The following TBC1D4 variants were observed in gnomAD, a reference collection of about 807,000 sequenced individuals.
The protein encoded by TBC1D4 is TBC1 domain family member 4.
Under a neutral mutation model 142.5 loss-of-function variants are expected in TBC1D4, and 121 were observed. The observed-to-expected ratio is 0.85, with a 90% CI of 0.73 to 0.99. The LOEUF (loss-of-function observed/expected upper bound fraction) is 0.99, where lower values mean the gene tolerates loss of function less well. Ranked by LOEUF, TBC1D4 falls within the 50% of genes least tolerant of loss-of-function variation. The pLI is 0.00. For synonymous variants in TBC1D4, 630 were observed against 628.2 expected, an observed-to-expected ratio of 1.00 and a Z score of -0.04; for missense variants, 1,475 against 1,606.6, an observed-to-expected ratio of 0.92 and a Z score of 1.40.
At chr13:75,417,815 T>C (rs1885983825) in intron 1 of TBC1D4, among the ~76,000 whole-genome samples, 1 of 152,216 alleles carries the variant, frequency 6.6e-6, no homozygotes. Context: ...ACCTTTTAGT[T>C]TCAACTCTAC....
At chr13:75,473,460 C>A (rs914355915) in intron 1 of TBC1D4, among the ~76,000 whole-genome samples, 1 of 152,170 alleles carries the variant, frequency 6.6e-6, no homozygotes, top group African/African-American at 2.4e-5. Context: ...AAACTATTCA[C>A]AAATTATGTA....
At chr13:75,423,574 G>A (rs1368445880) in intron 1 of TBC1D4, among the ~76,000 whole-genome samples, 4 of 152,182 alleles carry the variant, frequency 2.6e-5, no homozygotes, top group African/African-American at 9.7e-5. Flanking sequence ...CAAAGCAGGT[G>A]AAGACATCAA....
chr13:75,388,055 C>G (rs1166792416), intron 1 of TBC1D4, among the ~76,000 whole-genome samples: 2 of 152,184 alleles, frequency 1.3e-5, no homozygotes, highest in Non-Finnish European at 2.9e-5. Context: ...CATGCAAATT[C>G]CCAGCCTTGT....
intron 1 of TBC1D4, among the ~76,000 whole-genome samples, chr13:75,398,552 A>G (rs4129483): frequency 0.94 from 143,344 of 152,230 alleles, 68,079 homozygotes; most frequent in East Asian, 1. Context: ...AGGATTTCCC[A>G]ACAGAAAGCT....
intron 1 of TBC1D4, among the ~76,000 whole-genome samples, chr13:75,456,715 C>G (rs941615188): frequency 6.7e-6 from 1 of 149,504 alleles, no homozygotes; most frequent in African/African-American, 2.5e-5. Context: ...GAAACTGGTC[C>G]AACACTCTGG....
chr13:75,432,120 T>G (rs761144458), intron 1 of TBC1D4, among the ~76,000 whole-genome samples: 2 of 152,158 alleles, frequency 1.3e-5, no homozygotes, highest in Admixed American at 6.6e-5. Context: ...ATTTTTCTTG[T>G]GTAACCAGAA....
At chr13:75,319,960 G>A in intron 12 of TBC1D4, 54 bp downstream of exon 12, 1 of 1,587,072 alleles carries the variant, frequency 6.3e-7, no homozygotes, top group African/African-American at 1.4e-5. Context: ...ATGATGTTCA[G>A]TTGGAAGAAT....
At chr13:75,453,861 C>CAAA (rs749925716) in intron 1 of TBC1D4, among the ~76,000 whole-genome samples, 1 of 81,542 alleles carries the variant, frequency 1.2e-5, no homozygotes. Context: ...GACTCTGTCT[C>CAAA]AAAAAAAAAA....
chr13:75,421,349 C>A (rs1886159643), intron 1 of TBC1D4, among the ~76,000 whole-genome samples: 1 of 152,198 alleles, frequency 6.6e-6, no homozygotes, highest in Non-Finnish European at 1.5e-5. Flanking sequence ...AACTCCCTAA[C>A]TGCATGGGGA....
At chr13:75,339,617 C>T (rs984272711) in intron 7 of TBC1D4, among the ~76,000 whole-genome samples, 3 of 151,166 alleles carry the variant, frequency 2.0e-5, no homozygotes, top group Non-Finnish European at 4.4e-5. Context: ...AGTCTCCTGT[C>T]GCCTGGGGAG....
rs149821147 is a variant in TBC1D4 at position 75,312,867 on chromosome 13, T to G, written c.2254A>C (p.Thr752Pro). The change falls in exon 13 of 21, where the codon ACC becomes CCC. Residue 752 changes from threonine (T) to proline (P), a missense_variant. Around this residue, in one of 2 missense-constraint regions of TBC1D4, gnomAD observed 1,227 missense variants for 1,267.7 expected, o/e 0.97. Transcript: ENST00000377636. ...DGEGRKRTSS[T>P]CSNESLSVGG... ...ACACTTAGGGACTCATTGCTGCAGGTAGATGAGGTCCTTTTTCTCCCTTCT... is the reference window on the plus strand; with the variant it reads ...ACACTTAGGGACTCATTGCTGCAGGGAGATGAGGTCCTTTTTCTCCCTTCT... 3 of 1,614,032 alleles carry G rather than the reference T, an allele frequency of 1.9e-6. No individual in the cohort carries two copies. The highest frequency in any genetic ancestry group is 2.5e-6 in the Non-Finnish European group (3 of 1,180,018).
chr13:75,363,912 A>G (rs1251198138), intron 1 of TBC1D4, among the ~76,000 whole-genome samples: 1 of 152,210 alleles, frequency 6.6e-6, no homozygotes, highest in Non-Finnish European at 1.5e-5. Flanking sequence ...TATTTTGCCA[A>G]GGTTAAGGGC....
At chr13:75,399,604 A>G (rs4640064) in intron 1 of TBC1D4, among the ~76,000 whole-genome samples, 151,549 of 152,304 alleles carry the variant, frequency 1, 75,404 homozygotes, top group Middle Eastern at 1. Flanking sequence ...TGCTATAATG[A>G]GCTGAGACTG....
chr13:75,340,014 T>G (rs1475713948), intron 7 of TBC1D4, among the ~76,000 whole-genome samples: 2 of 152,254 alleles, frequency 1.3e-5, no homozygotes, highest in African/African-American at 4.8e-5. Context: ...GCTACTTTTG[T>G]GCTCACTACA....
intron 12 of TBC1D4, among the ~76,000 whole-genome samples, chr13:75,313,105 G>A (rs146837493): frequency 6.2e-4 from 95 of 152,292 alleles, no homozygotes; most frequent in African/African-American, 2.0e-3. Flanking sequence ...GCCCAGTCAA[G>A]AGAAGCTCCC....
At chr13:75,472,294 C>A (rs2138330762) in intron 1 of TBC1D4, among the ~76,000 whole-genome samples, 1 of 152,060 alleles carries the variant, frequency 6.6e-6, no homozygotes, top group East Asian at 1.9e-4. Flanking sequence ...TGGCAGGCGC[C>A]TGTAGTCCCA....
intron 12 of TBC1D4, 128 bp from the exon 13 acceptor site, chr13:75,313,026 G>C: frequency 1.0e-6 from 1 of 1,002,992 alleles, no homozygotes; most frequent in South Asian, 1.4e-5. Flanking sequence ...GCAACATGGA[G>C]CAATGCATCA....
chr13:75,410,166 A>T, intron 1 of TBC1D4, among the ~76,000 whole-genome samples: 1 of 152,304 alleles, frequency 6.6e-6, no homozygotes, highest in South Asian at 2.1e-4. Context: ...AATGGTACCT[A>T]TAATTACTAT....
At chr13:75,419,829 G>A (rs993458079) in intron 1 of TBC1D4, among the ~76,000 whole-genome samples, 2 of 152,192 alleles carry the variant, frequency 1.3e-5, no homozygotes, top group African/African-American at 4.8e-5. Context: ...ATGATATGGT[G>A]TCTCTCATCA....
Sources: allele counts gnomAD v4.1 joint callset (sites outside exome capture counted in the v4.1 genomes callset), GRCh38; gene constraint gnomAD v4.1.1; regional missense constraint gnomAD v4.1.1; transcripts MANE v1.5; gene names NCBI Gene and HGNC (gene_info 2026-07-23, HGNC 2026-07-21).